RTL9: variants seen among roughly 807,000 people sequenced by gnomAD.
RTL9 encodes retrotransposon Gag like 9.
A neutral mutation model predicts 44.7 loss-of-function variants in RTL9; 19 were observed. The observed-to-expected ratio is 0.42, with a 90% CI of 0.30 to 0.62. RTL9 has a LOEUF of 0.62. Ranked by LOEUF, RTL9 falls within the 20% of genes least tolerant of loss-of-function variation. The pLI is 0.16. For synonymous variants in RTL9, 407 were observed against 398.9 expected (o/e 1.02, Z -0.24); for missense variants, 1,105 against 1,080.6 (o/e 1.02, Z -0.32).
intron 1 of RTL9, among the ~76,000 whole-genome samples, chrX:110,375,599 C>T (rs2068371081): frequency 1.8e-5 from 2 of 111,755 alleles, no homozygotes; most frequent in African/African-American, 6.5e-5. Context: ...CCCTGCCTGC[C>T]TCACAGAGTT....
exon 1 of RTL9, chrX:110,451,876 C>G: frequency 8.3e-7 from 1 of 1,211,759 alleles, no homozygotes; most frequent in South Asian, 1.8e-5. Flanking sequence ...GGAGCCCCAG[C>G]CTCTGGAAAT....
chrX:110,453,195 A>C, exon 1 of RTL9: 1 of 1,211,701 alleles, frequency 8.3e-7, no homozygotes, highest in East Asian at 3.0e-5. Context: ...AGGGATGTCC[A>C]TGCCACTGAT....
At chrX:110,442,381 G>T (rs1489488075) in intron 1 of RTL9, among the ~76,000 whole-genome samples, 1 of 110,456 alleles carries the variant, frequency 9.1e-6, no homozygotes, top group African/African-American at 3.3e-5. Context: ...AACGTTGTAC[G>T]GGTCAAATAA....
Position 110,359,900 on chromosome X carries a change from TACTTAGA to T in RTL9, c.-168+992_-168+998del, listed in dbSNP as rs1284961175. Among the ~76,000 whole-genome samples, 4 of 111,775 alleles carry T rather than the reference TACTTAGA, an allele frequency of 3.6e-5. No homozygotes were observed. In the Admixed American group the frequency reaches 3.8e-4, roughly 11 times the overall value. ...GAGACTTGAACTTGGCATAGAAGGG[TACTTAGA>T]ACTTAGAGAAGAGAATGGAGCAGCA... On this transcript the variant is annotated intron_variant, in intron 1 of 2. Coordinates refer to the RTL9 transcript ENST00000520821.
intron 1 of RTL9, among the ~76,000 whole-genome samples, chrX:110,404,313 C>T (rs1315780115): frequency 2.7e-5 from 3 of 111,530 alleles, no homozygotes; most frequent in Non-Finnish European, 3.8e-5. Context: ...TCTTTCCTTC[C>T]GAAATTGTGG....
chrX:110,369,220 T>TACTC (rs1244488570), intron 1 of RTL9, among the ~76,000 whole-genome samples: 4 of 110,827 alleles, frequency 3.6e-5, no homozygotes, highest in Non-Finnish European at 7.6e-5. Flanking sequence ...TGGTCCCAGC[T>TACTC]ACTCGGTAGG....
chrX:110,359,159 T>C (rs2068246115), intron 1 of RTL9, among the ~76,000 whole-genome samples: 1 of 111,410 alleles, frequency 9.0e-6, no homozygotes, highest in African/African-American at 3.3e-5. Flanking sequence ...GCTTTGAACC[T>C]AGGCAGTCTG....
intron 1 of RTL9, among the ~76,000 whole-genome samples, chrX:110,388,625 A>G (rs1293016043): frequency 8.9e-6 from 1 of 112,374 alleles, no homozygotes; most frequent in Non-Finnish European, 1.9e-5. Flanking sequence ...GGATGCATCA[A>G]AAGCCCCTGG....
At chrX:110,451,730 G>A (rs1474896375) in exon 1 of RTL9, 4 of 1,210,999 alleles carry the variant, frequency 3.3e-6, no homozygotes, top group Non-Finnish European at 3.4e-6. Context: ...GCTCTGGGGC[G>A]ATGTCCCCAT....
rs779309619 is a variant in RTL9, at chrX:110,385,175, C to T, written c.-168+26259C>T. ...CAGGCAAATCACTTAACGTTTGCAT[C>T]CTTTCATTTCTCCATCTATCAAATA... On this transcript the variant is annotated intron_variant, in intron 1 of 2. Coordinates refer to the RTL9 transcript ENST00000520821. Among the ~76,000 whole-genome samples the T allele has an allele frequency of 3.6e-5, 4 of 111,389 alleles. No homozygotes were observed. In the South Asian group the frequency reaches 1.5e-3, roughly 43 times the overall value.
At chrX:110,410,884 G>A (rs1056936499) in intron 1 of RTL9, among the ~76,000 whole-genome samples, 1 of 112,278 alleles carries the variant, frequency 8.9e-6, no homozygotes, top group South Asian at 3.7e-4. Flanking sequence ...AAAGCTCCAC[G>A]ATGGCAGCTG....
intron 1 of RTL9, among the ~76,000 whole-genome samples, chrX:110,404,789 C>T (rs1050517106): frequency 3.6e-5 from 4 of 111,626 alleles, no homozygotes; most frequent in Admixed American, 9.5e-5. Flanking sequence ...TTAAGTTAAA[C>T]TCACTAATTA....
intron 1 of RTL9, among the ~76,000 whole-genome samples, chrX:110,408,346 C>G (rs974448402): frequency 5.4e-5 from 6 of 111,887 alleles, no homozygotes; most frequent in Non-Finnish European, 1.1e-4. Flanking sequence ...CCCTAGGGGA[C>G]TTTTGGAAAA....
intron 1 of RTL9, among the ~76,000 whole-genome samples, chrX:110,383,430 A>C (rs1284663803): frequency 9.0e-6 from 1 of 111,448 alleles, no homozygotes; most frequent in African/African-American, 3.3e-5. Flanking sequence ...AGTAGACATC[A>C]TATTAGAGCT....
At chrX:110,387,880 G>C (rs1485767844) in intron 1 of RTL9, among the ~76,000 whole-genome samples, 1 of 12,318 alleles carries the variant, frequency 8.1e-5, no homozygotes, top group Non-Finnish European at 1.4e-4. Context: ...TTTTTTTTTT[G>C]AGACGGTGTC....
upstream of RTL9, among the ~76,000 whole-genome samples, chrX:110,417,123 T>G (rs1039319569): frequency 1.8e-5 from 2 of 111,875 alleles, no homozygotes; most frequent in Non-Finnish European, 3.8e-5. Context: ...TGCTCTTCCC[T>G]ACCGCACTCA....
At chrX:110,421,969 T>A (rs1366785426) in intron 1 of RTL9, among the ~76,000 whole-genome samples, 1 of 113,244 alleles carries the variant, frequency 8.8e-6, no homozygotes, top group East Asian at 2.8e-4. Context: ...CAACTAGCTC[T>A]AACTGCTTTG....
chrX:110,366,348 A>G (rs772782804), intron 1 of RTL9, among the ~76,000 whole-genome samples: 15 of 111,801 alleles, frequency 1.3e-4, no homozygotes, highest in Non-Finnish European at 2.6e-4. Flanking sequence ...GTCAACAGGT[A>G]ATGTGAATCT....
chrX:110,383,571 A>G (rs2068435077), intron 1 of RTL9, among the ~76,000 whole-genome samples: 1 of 111,234 alleles, frequency 9.0e-6, no homozygotes, highest in African/African-American at 3.3e-5. Context: ...CCTAAACTCC[A>G]GTCATACTGA....
Sources: gnomAD v4.1 joint callset for allele counts (sites outside exome capture counted in the v4.1 genomes callset) on GRCh38, gnomAD v4.1.1 for gene constraint, MANE v1.5 for transcripts, NCBI Gene and HGNC (gene_info 2026-07-23, HGNC 2026-07-21) for gene names.